Variants in POU2AF2 observed in about 807,000 individuals in gnomAD.
POU2AF2 encodes the protein POU class 2 homeobox associating factor 2.
chr11:111,281,278 C>A, the POU2AF2 span: 1 of 734,670 alleles, frequency 1.4e-6, no homozygotes, highest in Non-Finnish European at 2.1e-6. Flanking sequence ...GAGGGTCAAC[C>A]CAACTCCCCA....
the POU2AF2 span, among the ~76,000 whole-genome samples, chr11:111,250,726 A>T: frequency 2.6e-5 from 4 of 152,236 alleles, no homozygotes; most frequent in African/African-American, 9.6e-5. Flanking sequence ...GGAGGATGCA[A>T]CTTGAAATAT....
the POU2AF2 span, among the ~76,000 whole-genome samples, chr11:111,283,740 T>C: frequency 2.0e-5 from 3 of 152,138 alleles, no homozygotes; most frequent in Non-Finnish European, 4.4e-5. Flanking sequence ...GATGCTTCCT[T>C]GGTTAAAATA....
chr11:111,281,052 G>T, the POU2AF2 span, among the ~76,000 whole-genome samples: 46 of 152,292 alleles, frequency 3.0e-4, no homozygotes, highest in African/African-American at 1.1e-3. Context: ...TCCCTCGTGG[G>T]TAAGGGGAGG....
the POU2AF2 span, among the ~76,000 whole-genome samples, chr11:111,246,711 A>T: frequency 1.3e-5 from 2 of 152,220 alleles, no homozygotes; most frequent in Non-Finnish European, 2.9e-5. Context: ...TGTATTGTGT[A>T]TACTTGAGAT....
chr11:111,254,894 T>C, the POU2AF2 span, among the ~76,000 whole-genome samples: 1 of 152,230 alleles, frequency 6.6e-6, no homozygotes, highest in Non-Finnish European at 1.5e-5. Flanking sequence ...TAATTTTAAT[T>C]AAATGGAAGT....
the POU2AF2 span, among the ~76,000 whole-genome samples, chr11:111,265,156 C>T: frequency 2.4e-4 from 36 of 152,056 alleles, no homozygotes; most frequent in Non-Finnish European, 4.9e-4. Context: ...AGCGGATGAA[C>T]CAATTTTGTC....
chr11:111,257,727 A>G, the POU2AF2 span, among the ~76,000 whole-genome samples: 6 of 152,140 alleles, frequency 3.9e-5, no homozygotes, highest in African/African-American at 1.4e-4. Flanking sequence ...AATGGAGCTT[A>G]TCTGCTACAG....
the POU2AF2 span, among the ~76,000 whole-genome samples, chr11:111,248,726 T>C: frequency 1.3e-5 from 2 of 152,184 alleles, no homozygotes; most frequent in Non-Finnish European, 2.9e-5. Context: ...TTAAAAACAT[T>C]AAATAATTTA....
the POU2AF2 span, among the ~76,000 whole-genome samples, chr11:111,251,926 G>C: frequency 6.6e-6 from 1 of 152,126 alleles, no homozygotes; most frequent in Non-Finnish European, 1.5e-5. Flanking sequence ...CTGGATATTT[G>C]CCATCTCATG....
the POU2AF2 span, among the ~76,000 whole-genome samples, chr11:111,271,702 G>T: frequency 3.9e-5 from 6 of 152,160 alleles, no homozygotes; most frequent in African/African-American, 9.7e-5. Flanking sequence ...GGGATTACAG[G>T]CATGAACCAC....
the POU2AF2 span, among the ~76,000 whole-genome samples, chr11:111,248,061 T>C: frequency 1.3e-5 from 2 of 151,648 alleles, no homozygotes; most frequent in African/African-American, 2.4e-5. Context: ...TTTTTTTGTA[T>C]TTTTTTAGTG....
At chr11:111,284,419 C>G in the POU2AF2 span, 1 of 1,531,496 alleles carries the variant, frequency 6.5e-7, no homozygotes, top group East Asian at 2.3e-5. Context: ...AAAAGAGGGG[C>G]GAGGCTCGCC....
the POU2AF2 span, among the ~76,000 whole-genome samples, chr11:111,283,319 G>A: frequency 1.3e-5 from 2 of 150,830 alleles, no homozygotes; most frequent in African/African-American, 2.4e-5. Context: ...AAAGTGCTGG[G>A]ATTACAGGTG....
At chr11:111,264,565 A>AAAGAAAGG in the POU2AF2 span, among the ~76,000 whole-genome samples, 1 of 49,838 alleles carries the variant, frequency 2.0e-5, no homozygotes, top group East Asian at 4.8e-4. Flanking sequence ...AGAAAGAAAG[A>AAAGAAAGG]AAGAAAGAAA....
chr11:111,278,796 TC>T, the POU2AF2 span, among the ~76,000 whole-genome samples: 1 of 152,236 alleles, frequency 6.6e-6, no homozygotes, highest in African/African-American at 2.4e-5. Flanking sequence ...TTAAACTTAT[TC>T]TATAAAGACC....
chr11:111,264,515 A>G, the POU2AF2 span, among the ~76,000 whole-genome samples: 3 of 54,880 alleles, frequency 5.5e-5, no homozygotes, highest in African/African-American at 2.1e-4. Flanking sequence ...AAAGAAAGAA[A>G]GAAAGAAAGA....
chr11:111,285,903 T>G, the POU2AF2 span: 5 of 1,613,688 alleles, frequency 3.1e-6, 1 homozygote, highest in South Asian at 4.4e-5. Flanking sequence ...TTCACCCCTT[T>G]CATGACGGTG....
chr11:111,250,393 T>C, the POU2AF2 span, among the ~76,000 whole-genome samples: 1 of 152,234 alleles, frequency 6.6e-6, no homozygotes, highest in Non-Finnish European at 1.5e-5. Flanking sequence ...GTGGTTTCCA[T>C]ACGTTACAAC....
the POU2AF2 span, among the ~76,000 whole-genome samples, chr11:111,276,691 C>T: frequency 6.9e-4 from 100 of 145,736 alleles, no homozygotes; most frequent in Admixed American, 2.0e-3. Context: ...CAATAGCAGA[C>T]GCCTCAACAG....
Sources: gnomAD v4.1 joint callset for allele counts (sites outside exome capture counted in the v4.1 genomes callset) on GRCh38, gnomAD v4.1.1 for gene constraint, MANE v1.5 for transcripts, NCBI Gene and HGNC (gene_info 2026-07-23, HGNC 2026-07-21) for gene names.